Variants in GYG1 observed in about 807,000 individuals in gnomAD.
GYG1 encodes the protein glycogenin 1.
In GYG1, 44 loss-of-function variants were observed where a neutral mutation model predicts 41.9. The ratio of observed to expected loss-of-function variants is 1.05; its 90% CI spans 0.83 to 1.35. The LOEUF (loss-of-function observed/expected upper bound fraction) is 1.35, where lower values mean the gene tolerates loss of function less well. GYG1 is among the 40% of genes most tolerant of loss of function. The pLI, the probability that GYG1 is intolerant of heterozygous loss-of-function variation, is 0.00. For missense variants in GYG1, 429 were observed against 418.9 expected, an observed-to-expected ratio of 1.02 and a Z score of -0.21; for synonymous variants, 141 against 158.1, an observed-to-expected ratio of 0.89 and a Z score of 0.81.
Position 148,996,408 on chromosome 3 carries a change from C to T in GYG1, c.250C>T (p.Leu84=). 4 of 1,613,728 alleles carry T rather than the reference C, an allele frequency of 2.5e-6. No homozygotes were observed. The highest frequency in any genetic ancestry group is 3.4e-6 in the Non-Finnish European group (4 of 1,179,820). Reference sequence around the variant, plus strand: ...GAAGAGGCCAGAGTTGGGTGTCACGCTGACAAAGCTCCACTGCTGGTCGCT... The same window carrying T: ...GAAGAGGCCAGAGTTGGGTGTCACGTTGACAAAGCTCCACTGCTGGTCGCT... ...LMKRPELGVT[L]TKLHCWSLTQ... The change falls in exon 3 of 8, where the codon CTG becomes TTG. Residue 84 remains leucine (L), a synonymous_variant. Coordinates refer to ENST00000345003, the MANE Select transcript of GYG1 (RefSeq NM_004130.4).
intron 6 of GYG1, among the ~76,000 whole-genome samples, chr3:149,025,542 G>T (rs1325473989): frequency 6.6e-6 from 1 of 152,152 alleles, no homozygotes; most frequent in Non-Finnish European, 1.5e-5. Context: ...ATGAAAGTTA[G>T]CTATTCTTAT....
At position 149,030,439 on chromosome 3, in the gene GYG1, A is replaced by AAAC. The variant is rs1413678464; in HGVS notation, c.*3510_*3512dup. The AAAC allele has an allele frequency of 6.6e-6, 1 of 151,948 alleles. No individual in the cohort carries two copies. The highest frequency in any genetic ancestry group is 1.5e-5 in the Non-Finnish European group (1 of 67,984). The allele number at this position is 151,948 out of a possible 1,614,324, so 9.4% of individuals were successfully genotyped here. Reference sequence around the variant, plus strand: ...AAACTTACTTATGAGTGTGTTTTAAAAACAACTTTGTAAATGTCTGGGCAA... The same window carrying AAAC: ...AAACTTACTTATGAGTGTGTTTTAAAAACAACAACTTTGTAAATGTCTGGGCAA... On this transcript the variant is annotated 3_prime_UTR_variant, in exon 8 of 8. Transcript: ENST00000345003.
chr3:149,026,705 T>G, intron 7 of GYG1, 55 bp from the exon 8 acceptor site: 3 of 1,345,974 alleles, frequency 2.2e-6, no homozygotes, highest in Non-Finnish European at 3.2e-6. Context: ...TATTGCATTC[T>G]TTAAAACAGT....
At chr3:149,001,340 A>C (rs1287357028) in intron 4 of GYG1, 1 of 152,206 alleles carries the variant, frequency 6.6e-6, no homozygotes, top group Admixed American at 6.5e-5. Context: ...ATCTTGAGGA[A>C]AAGCAAAAGC....
intron 5 of GYG1, among the ~76,000 whole-genome samples, chr3:149,021,855 C>T (rs1714389357): frequency 6.6e-6 from 1 of 151,852 alleles, no homozygotes; most frequent in African/African-American, 2.4e-5. Context: ...ATCTTGGTTG[C>T]CTGTAATATA....
chr3:149,022,498 C>CTTT (rs71617495), intron 5 of GYG1, among the ~76,000 whole-genome samples: 1,340 of 69,510 alleles, frequency 0.019, 229 homozygotes, highest in African/African-American at 0.076. Context: ...CTTGTTTTGC[C>CTTT]TTTTTTTTTT....
intron 4 of GYG1, chr3:149,001,565 T>C (rs1018644908): frequency 6.6e-6 from 1 of 152,190 alleles, no homozygotes; most frequent in African/African-American, 2.4e-5. Context: ...TTACCTACTT[T>C]TTCACTTATT....
intron 1 of GYG1, 112 bp from the exon 2 acceptor site, chr3:148,994,030 T>A (rs760522876): frequency 2.0e-5 from 18 of 900,702 alleles, no homozygotes; most frequent in Non-Finnish European, 3.1e-5. Context: ...ATAGAGAAAG[T>A]TGATGTTAGA....
At chr3:149,001,640 C>T (rs1458120506) in intron 4 of GYG1, 1 of 152,178 alleles carries the variant, frequency 6.6e-6, no homozygotes, top group Non-Finnish European at 1.5e-5. Context: ...AATTGAGAGC[C>T]TGCTATCTAG....
At chr3:148,994,100 A>C in intron 1 of GYG1, 42 bp from the exon 2 acceptor site, 10 of 1,590,230 alleles carry the variant, frequency 6.3e-6, no homozygotes, top group Non-Finnish European at 7.8e-6. Flanking sequence ...CTTTCTCCAG[A>C]TAAGATACTG....
At chr3:149,002,877 C>T (rs1713173453) in intron 4 of GYG1, among the ~76,000 whole-genome samples, 2 of 151,992 alleles carry the variant, frequency 1.3e-5, no homozygotes, top group Middle Eastern at 3.4e-3. Context: ...AAAAATTAGC[C>T]GGGTGTGGTG....
In GYG1 at chr3:149,024,055, T is replaced by A; in HGVS notation, c.611T>A (p.Phe204Tyr). Residue 204 changes from phenylalanine (F) to tyrosine (Y), a missense_variant and splice_region_variant, in exon 6 of 8, where the codon TTT (phenylalanine) becomes TAT (tyrosine). By Grantham distance (22) the Phe-to-Tyr change is conservative (BLOSUM62 3). Transcript: ENST00000345003. ...IYSYLPAFKV[F>Y]GASAKVVHFL... ...TTCAACTTGCGTTCACTTGGCAGGT[T>A]TGGTGCAAGTGCCAAAGTTGTGCAT... The A allele has an allele frequency of 6.2e-7, 1 of 1,612,904 alleles. No homozygotes were observed. Among genetic ancestry groups the A allele is most frequent in the Middle Eastern group, 1.6e-4 (1 of 6,062 alleles).
chr3:149,022,823 T>TA (rs377405799), intron 5 of GYG1, among the ~76,000 whole-genome samples: 233 of 152,264 alleles, frequency 1.5e-3, no homozygotes, highest in African/African-American at 5.5e-3. Flanking sequence ...TGGAATCATA[T>TA]ATATGTAATT....
rs1576554026 is a variant in GYG1 at position 149,022,372 on chromosome 3, C to T, written c.609-1681C>T. ...TTAAGACATAGAACACAACCAGTGC[C>T]TTAGAACCTCTTTTTGTCCCTTCCC... On this transcript the variant is annotated intron_variant, in intron 5 of 7. Coordinates refer to ENST00000345003, the MANE Select transcript of GYG1 (RefSeq NM_004130.4). Among the ~76,000 whole-genome samples, 4 of 152,040 alleles carry T rather than the reference C, an allele frequency of 2.6e-5. No individual in the cohort carries two copies. The South Asian group carries it at 6.2e-4, about 24-fold the overall frequency.
At chr3:149,008,690 C>T (rs746485731) in intron 4 of GYG1, among the ~76,000 whole-genome samples, 8 of 152,230 alleles carry the variant, frequency 5.3e-5, no homozygotes, top group Admixed American at 1.3e-4. Flanking sequence ...TGTCTCCCAC[C>T]TGACCCTTGT....
chr3:148,996,815 G>A lies in GYG1; in HGVS notation c.392G>A (p.Cys131Tyr), dbSNP rs1369369954. ...GCACCAGACCCAGGGTGGCCTGACTGCTTCAATTCCGGAGTCTTCGTTTAT... is the reference window on the plus strand; with the variant it reads ...GCACCAGACCCAGGGTGGCCTGACTACTTCAATTCCGGAGTCTTCGTTTAT... Reference protein sequence around the residue: ...SAAPDPGWPDCFNSGVFVYQP... With the variant: ...SAAPDPGWPDYFNSGVFVYQP... The change falls in exon 4 of 8, where the codon TGC becomes TAC. Residue 131 changes from cysteine to tyrosine, a missense_variant. Physicochemically the swap from Cys to Tyr is radical, Grantham distance 194 (BLOSUM62 -2). Transcript: ENST00000345003. The A allele has an allele frequency of 1.2e-6, 2 of 1,613,050 alleles. No homozygotes were observed. Among genetic ancestry groups the A allele is most frequent in the Admixed American group, 1.7e-5 (1 of 60,030 alleles).
At chr3:148,998,696 T>A (rs538056637) in intron 4 of GYG1, among the ~76,000 whole-genome samples, 85 of 152,366 alleles carry the variant, frequency 5.6e-4, no homozygotes, top group African/African-American at 1.9e-3. Flanking sequence ...GCTCCTGCTA[T>A]TTTCCTTTCA....
chr3:149,019,680 G>A (rs1325199712), intron 5 of GYG1, among the ~76,000 whole-genome samples: 2 of 152,260 alleles, frequency 1.3e-5, no homozygotes, highest in Non-Finnish European at 2.9e-5. Context: ...ACTACAGGGA[G>A]TAACAGATTT....
chr3:149,028,488 A>G lies in GYG1; in HGVS notation c.*1555A>G, dbSNP rs1345634735. On this transcript the variant is annotated 3_prime_UTR_variant, in exon 8 of 8. Coordinates refer to ENST00000345003, the MANE Select transcript of GYG1 (RefSeq NM_004130.4). ...TGTGTCAGATGCTGTGGTACAAAGAAGGACTTCTCAAAATTTTAGCTAGTC... is the reference window on the plus strand; with the variant it reads ...TGTGTCAGATGCTGTGGTACAAAGAGGGACTTCTCAAAATTTTAGCTAGTC... 6.6e-6 allele frequency among the ~76,000 whole-genome samples: 1 copy of G among 152,154 alleles called. No individual in the cohort carries two copies. Among genetic ancestry groups the G allele is most frequent in the Non-Finnish European group, 1.5e-5 (1 of 68,028 alleles).
Sources: allele counts gnomAD v4.1 joint callset (sites outside exome capture counted in the v4.1 genomes callset), GRCh38; gene constraint gnomAD v4.1.1; transcripts MANE v1.5; gene names NCBI Gene and HGNC (gene_info 2026-07-23, HGNC 2026-07-21).